The following SLCO6A1 variants were observed in gnomAD, a reference collection of about 807,000 sequenced individuals.
SLCO6A1 encodes solute carrier organic anion transporter family member 6A1, also known as cancer/testis antigen 48.
A neutral mutation model predicts 72.7 loss-of-function variants in SLCO6A1; 65 were observed. The observed-to-expected ratio is 0.89, with a 90% CI of 0.73 to 1.10. The LOEUF (loss-of-function observed/expected upper bound fraction) is 1.10. Ranked by LOEUF, SLCO6A1 falls within the 50% of genes least tolerant of loss-of-function variation. The pLI, the probability that SLCO6A1 is intolerant of heterozygous loss-of-function variation, is 0.00. For synonymous variants in SLCO6A1, 314 were observed against 298.2 expected, an observed-to-expected ratio of 1.05 and a Z score of -0.55; for missense variants, 874 against 872.6, an observed-to-expected ratio of 1.00 and a Z score of -0.02.
chr5:102,383,095 A>ATATATATATATATATATATATATAT lies in SLCO6A1; in HGVS notation c.2017+5592_2017+5593insATATATATATATATATATATATATA, dbSNP rs1554064835. Among the ~76,000 whole-genome samples, 524 of 128,506 alleles carry ATATATATATATATATATATATATAT rather than the reference A, an allele frequency of 4.1e-3. 9 individuals carry two copies. Among genetic ancestry groups the ATATATATATATATATATATATATAT allele is most frequent in the African/African-American group, 0.012 (403 of 33,190 alleles). The allele number at this position is 128,506 out of a possible 152,430, so 84.3% of individuals were successfully genotyped here. A position where few individuals can be genotyped will look rare whatever the true frequency, so the allele number is the denominator to read the frequency against. Reference sequence around the variant, plus strand: ...TATATAGTGTATGTATATGTGTGTGAATATATATATATATAGTGTTTTATA... The same window carrying ATATATATATATATATATATATATAT: ...TATATAGTGTATGTATATGTGTGTGATATATATATATATATATATATATATATATATATATATATAGTGTTTTATA... On this transcript the variant is annotated intron_variant, in intron 12 of 13. Coordinates refer to ENST00000506729, the MANE Select transcript of SLCO6A1 (RefSeq NM_173488.5).
chr5:102,448,946 G>T (rs1470118339), intron 6 of SLCO6A1, among the ~76,000 whole-genome samples: 1 of 134,602 alleles, frequency 7.4e-6, no homozygotes, highest in Non-Finnish European at 1.6e-5. Context: ...ACTTGATTGT[G>T]TATTTGCTTT....
chr5:102,421,638 A>G (rs1748613513), intron 7 of SLCO6A1, among the ~76,000 whole-genome samples: 1 of 152,136 alleles, frequency 6.6e-6, no homozygotes, highest in Non-Finnish European at 1.5e-5. Context: ...CTTATAGATG[A>G]AACTCCCATC....
chr5:102,498,764 G>A lies in SLCO6A1; in HGVS notation c.81C>T (p.Ala27=), dbSNP rs966475873. ...TGGCCCTCCTGTCCTTAGCAGGCTG[G>A]GCCCGCGCGGCCTCCAGCGGCTCTA... The part of the protein sequence containing the change: ...RGVEPLEAAR[A]QPAKDRRAKG... Residue 27 remains alanine (A), a synonymous_variant, in exon 1 of 14, where the codon GCC becomes GCT. Coordinates refer to ENST00000506729, the MANE Select transcript of SLCO6A1 (RefSeq NM_173488.5). 1.2e-6 allele frequency: 2 copies of A among 1,614,124 alleles called. No individual in the cohort carries two copies. Among genetic ancestry groups the A allele is most frequent in the Non-Finnish European group, 1.7e-6 (2 of 1,180,020 alleles).
chr5:102,426,934 A>G (rs1407727681), intron 7 of SLCO6A1, among the ~76,000 whole-genome samples: 1 of 149,490 alleles, frequency 6.7e-6, no homozygotes, highest in Non-Finnish European at 1.5e-5. Flanking sequence ...AATAGTATGC[A>G]GCCATAAAGA....
chr5:102,374,843 G>C (rs989567112), intron 12 of SLCO6A1, among the ~76,000 whole-genome samples: 1 of 152,076 alleles, frequency 6.6e-6, no homozygotes, highest in Non-Finnish European at 1.5e-5. Flanking sequence ...ATGCTTCCAA[G>C]AAAAAGGGAA....
chr5:102,485,103 T>C (rs1301253216), intron 1 of SLCO6A1, among the ~76,000 whole-genome samples: 3 of 151,832 alleles, frequency 2.0e-5, no homozygotes, highest in Admixed American at 2.0e-4. Flanking sequence ...AATACAAAAT[T>C]AGCCAGGCTT....
At chr5:102,433,619 G>C (rs901591213) in intron 7 of SLCO6A1, among the ~76,000 whole-genome samples, 1 of 152,190 alleles carries the variant, frequency 6.6e-6, no homozygotes, top group Non-Finnish European at 1.5e-5. Flanking sequence ...CCTCAAGGTA[G>C]AAACATGCTG....
intron 7 of SLCO6A1, among the ~76,000 whole-genome samples, chr5:102,425,567 TG>T (rs1448413964): frequency 6.6e-6 from 1 of 151,958 alleles, no homozygotes; most frequent in Non-Finnish European, 1.5e-5. Flanking sequence ...TTACAAGGGA[TG>T]TGAAGAACTT....
At chr5:102,378,974 T>C (rs1377903359) in intron 12 of SLCO6A1, among the ~76,000 whole-genome samples, 2 of 152,016 alleles carry the variant, frequency 1.3e-5, no homozygotes, top group East Asian at 1.9e-4. Flanking sequence ...AGAGATGGGG[T>C]TTCACCATGT....
intron 7 of SLCO6A1, among the ~76,000 whole-genome samples, chr5:102,431,335 T>C (rs1452884715): frequency 2.6e-5 from 4 of 152,148 alleles, no homozygotes; most frequent in African/African-American, 9.7e-5. Flanking sequence ...CTAGTTCTTT[T>C]TGTTGTGATG....
chr5:102,393,114 G>A (rs1056893077), intron 10 of SLCO6A1, among the ~76,000 whole-genome samples: 2 of 151,854 alleles, frequency 1.3e-5, no homozygotes, highest in South Asian at 2.1e-4. Context: ...CCAATTTCAA[G>A]CGTATAGCTT....
At chr5:102,399,415 G>T (rs1468328930) in intron 10 of SLCO6A1, 140 bp downstream of exon 10, 9 of 471,218 alleles carry the variant, frequency 1.9e-5, no homozygotes, top group Non-Finnish European at 3.2e-5. Context: ...CACATGAATT[G>T]TGTCAATTTA....
At position 102,447,886 on chromosome 5, in the gene SLCO6A1, G is replaced by A. The variant is rs1012179144; in HGVS notation, c.1132-9125C>T. Among the ~76,000 whole-genome samples the A allele has an allele frequency of 6.6e-5, 10 of 151,706 alleles. No homozygotes were observed. In the South Asian group the frequency reaches 1.0e-3, roughly 16 times the overall value. ...TCTGCGTTTTGTTCAGTTCAGCTCCGATTTTGTTTCCTTCTTTTCTTCTGC... is the reference window on the plus strand; with the variant it reads ...TCTGCGTTTTGTTCAGTTCAGCTCCAATTTTGTTTCCTTCTTTTCTTCTGC... On this transcript the variant is annotated intron_variant, in intron 6 of 13. Transcript: ENST00000506729.
intron 6 of SLCO6A1, among the ~76,000 whole-genome samples, chr5:102,439,998 G>A (rs1749745904): frequency 6.6e-6 from 1 of 152,168 alleles, no homozygotes; most frequent in Non-Finnish European, 1.5e-5. Flanking sequence ...AATGCTACAT[G>A]ACTTCTGAGG....
Position 102,480,267 on chromosome 5 carries a change from C to T in SLCO6A1, c.526G>A (p.Ala176Thr). 6.2e-7 allele frequency: 1 copy of T among 1,613,234 alleles called. No individual in the cohort carries two copies. Among genetic ancestry groups the T allele is most frequent in the Non-Finnish European group, 8.5e-7 (1 of 1,179,598 alleles). Residue 176 changes from alanine (A) to threonine (T), a missense_variant, in exon 2 of 14, where the codon GCT becomes ACT. Transcript: ENST00000506729. ...CCAAGTCCTATTAAAAAGGAGGAAG[C>T]TACAAACCATATTACTTTTTTTCTG... Reference protein sequence around the residue: ...GDRKKVIWFVASSFLIGLGSL... With the variant: ...GDRKKVIWFVTSSFLIGLGSL...
rs1404209945 is a variant in SLCO6A1 at position 102,387,911 on chromosome 5, T to C, written c.2017+777A>G. On this transcript the variant is annotated intron_variant, in intron 12 of 13. Transcript: ENST00000506729. ...AGTTTTCCAAAGTTATAAAAACATG[T>C]CTAGACTTTCCCAACACTTTGACCA... Among the ~76,000 whole-genome samples the C allele has an allele frequency of 2.0e-5, 3 of 152,152 alleles. No homozygotes were observed. The East Asian group carries it at 5.8e-4, about 29-fold the overall frequency.
At chr5:102,403,508 T>C (rs1192029781) in intron 9 of SLCO6A1, among the ~76,000 whole-genome samples, 6 of 152,168 alleles carry the variant, frequency 3.9e-5, no homozygotes, top group African/African-American at 7.2e-5. Flanking sequence ...ACAAAGTGCA[T>C]AAAATATGTA....
chr5:102,469,782 A>T (rs1024420008), intron 4 of SLCO6A1, among the ~76,000 whole-genome samples: 4 of 152,102 alleles, frequency 2.6e-5, no homozygotes, highest in Admixed American at 2.6e-4. Flanking sequence ...TCAGTATGAT[A>T]TTGGCTGTGG....
At chr5:102,434,243 AC>A (rs1749380982) in intron 7 of SLCO6A1, among the ~76,000 whole-genome samples, 6 of 152,110 alleles carry the variant, frequency 3.9e-5, no homozygotes, top group Admixed American at 3.9e-4. Context: ...AGAGCACAGG[AC>A]AACTTTGCTT....
Sources: allele counts gnomAD v4.1 joint callset (sites outside exome capture counted in the v4.1 genomes callset), GRCh38; gene constraint gnomAD v4.1.1; transcripts MANE v1.5; gene names NCBI Gene and HGNC (gene_info 2026-07-23, HGNC 2026-07-21).